The following SASH1 variants were observed in gnomAD, a reference collection of about 807,000 sequenced individuals.
The protein encoded by SASH1 is SAM and SH3 domain-containing protein 1.
A neutral mutation model predicts 125.2 loss-of-function variants in SASH1; 44 were observed. The ratio of observed to expected loss-of-function variants is 0.35; its 90% CI spans 0.28 to 0.45. SASH1 has a LOEUF of 0.45. SASH1 is among the 20% of genes least tolerant of loss of function. The pLI is 1.00. For synonymous variants in SASH1, 639 were observed against 649.1 expected, an observed-to-expected ratio of 0.98 and a Z score of 0.24; for missense variants, 1,426 against 1,614.5, an observed-to-expected ratio of 0.88 and a Z score of 2.00.
At chr6:148,339,004 TAA>T (rs760321688), upstream of SASH1, among the ~76,000 whole-genome samples, 13 of 88,198 alleles carry the variant, frequency 1.5e-4, no homozygotes, top group Admixed American at 1.5e-4. Context: ...ACTCTGTCTT[TAA>T]AAAAAAAAAA....
chr6:148,519,890 C>T lies in SASH1; in HGVS notation c.1206C>T (p.His402=), dbSNP rs1450987357. Residue 402 remains histidine, a synonymous_variant, in exon 10 of 20, where the codon CAC becomes CAT. Transcript: ENST00000367467. The surrounding 1 kb of genome is among the most constrained non-coding windows in gnomAD (Gnocchi z 4.8). The part of the protein sequence containing the change: ...EMKKGLGSLS[H]GRTCSFGGFD... ...AGAAGGGTCTCGGGTCCCTAAGCCA[C>T]GGGGTAAGTACGGATGGTGTTTGCT... 1.3e-6 allele frequency: 2 copies of T among 1,558,976 alleles called. No homozygotes were observed. Among genetic ancestry groups the T allele is most frequent in the South Asian group, 2.3e-5 (2 of 85,654 alleles).
chr6:148,271,505 A>C (rs759219982), upstream of SASH1, among the ~76,000 whole-genome samples: 1 of 152,360 alleles, frequency 6.6e-6, no homozygotes, highest in East Asian at 1.9e-4. Flanking sequence ...ATTAACTTTT[A>C]ATATTTTTTA....
At chr6:148,410,877 C>T (rs751463901) in intron 2 of SASH1, among the ~76,000 whole-genome samples, 2 of 152,024 alleles carry the variant, frequency 1.3e-5, no homozygotes, top group Non-Finnish European at 2.9e-5. Flanking sequence ...ACATAAAAGG[C>T]GGCCGGGCAC....
intron 1 of SASH1, among the ~76,000 whole-genome samples, chr6:148,355,737 G>T (rs1294931635): frequency 6.6e-6 from 1 of 152,078 alleles, no homozygotes; most frequent in African/African-American, 2.4e-5. Flanking sequence ...AAGCTTACCA[G>T]GTCACATCCC....
the SASH1 span, among the ~76,000 whole-genome samples, chr6:148,227,085 C>T: frequency 2.0e-5 from 3 of 152,132 alleles, no homozygotes; most frequent in Non-Finnish European, 4.4e-5. Flanking sequence ...TATAGCTCTA[C>T]GAAGTATGAA....
At chr6:148,307,037 T>G (rs1454791587) in intron 1 of SASH1, among the ~76,000 whole-genome samples, 1 of 71,490 alleles carries the variant, frequency 1.4e-5, no homozygotes, top group Non-Finnish European at 2.8e-5. Context: ...TCTTTCTTTC[T>G]TTCTTTCTTT....
intron 16 of SASH1, 122 bp downstream of exon 16, chr6:148,535,023 A>C (rs924584272): frequency 2.6e-6 from 3 of 1,134,178 alleles, no homozygotes; most frequent in Non-Finnish European, 3.8e-6. Context: ...TTCTGTTACA[A>C]GAGTATGACA....
intron 16 of SASH1, among the ~76,000 whole-genome samples, chr6:148,538,932 A>G (rs1782047029): frequency 6.6e-6 from 1 of 152,220 alleles, no homozygotes; most frequent in East Asian, 1.9e-4. Context: ...TCTGCATAAT[A>G]ATGCAAAGAT....
At chr6:148,207,429 T>C in the SASH1 span, among the ~76,000 whole-genome samples, 1 of 152,246 alleles carries the variant, frequency 6.6e-6, no homozygotes, top group African/African-American at 2.4e-5. Flanking sequence ...TCTTAGTTTC[T>C]AGATCTCCAT....
Position 148,550,438 on chromosome 6 carries a change from G to A in SASH1, c.*1880G>A, listed in dbSNP as rs900948514. On this transcript the variant is annotated 3_prime_UTR_variant, in exon 20 of 20. Transcript: ENST00000367467. ...GCATATTGCTTATGTCTGGATCCAT[G>A]TTTCTGAGGAAAAAGACATTCTCAG... The A allele has an allele frequency of 2.0e-5, 3 of 152,132 alleles. No homozygotes were observed. Among genetic ancestry groups the A allele is most frequent in the Non-Finnish European group, 4.4e-5 (3 of 68,022 alleles). 9.4% of individuals were successfully genotyped at this position (152,132 alleles called of 1,614,324 possible).
the SASH1 span, among the ~76,000 whole-genome samples, chr6:148,253,232 C>G: frequency 6.6e-6 from 1 of 152,212 alleles, no homozygotes; most frequent in South Asian, 2.1e-4. Context: ...ATATATAGAT[C>G]AGTGGAATCA....
chr6:148,383,484 C>A (rs1440209639), intron 1 of SASH1, among the ~76,000 whole-genome samples: 1 of 152,100 alleles, frequency 6.6e-6, no homozygotes, highest in Non-Finnish European at 1.5e-5. Flanking sequence ...TTTCTCTCAA[C>A]TTTGGGGAGT....
chr6:148,431,495 G>C (rs188556695), intron 2 of SASH1, among the ~76,000 whole-genome samples: 2 of 152,250 alleles, frequency 1.3e-5, no homozygotes, highest in East Asian at 3.9e-4. Flanking sequence ...ATCACGCCTG[G>C]CTGACAATGT....
intron 1 of SASH1, among the ~76,000 whole-genome samples, chr6:148,304,432 C>CAAA (rs1407700167): frequency 1.8e-4 from 17 of 95,844 alleles, no homozygotes; most frequent in African/African-American, 7.1e-4. Flanking sequence ...GACTCCGTCT[C>CAAA]AAAAAAAAAA....
At chr6:148,216,584 G>A in the SASH1 span, among the ~76,000 whole-genome samples, 5 of 152,122 alleles carry the variant, frequency 3.3e-5, no homozygotes, top group South Asian at 8.3e-4. Flanking sequence ...TGGCATCTGG[G>A]GACATTTGTG....
intron 1 of SASH1, among the ~76,000 whole-genome samples, chr6:148,379,543 G>A (rs183450683): frequency 6.6e-6 from 1 of 152,070 alleles, no homozygotes; most frequent in Non-Finnish European, 1.5e-5. Flanking sequence ...CCTAGTTACC[G>A]AGTGAATTTT....
intron 2 of SASH1, among the ~76,000 whole-genome samples, chr6:148,408,540 C>T (rs946656322): frequency 1.3e-5 from 2 of 152,178 alleles, no homozygotes; most frequent in African/African-American, 2.4e-5. Context: ...TTCAATCCAA[C>T]TCCATGTATA....
intron 16 of SASH1, among the ~76,000 whole-genome samples, chr6:148,540,068 A>ATTCT (rs1351453983): frequency 6.6e-6 from 1 of 152,128 alleles, no homozygotes; most frequent in East Asian, 1.9e-4. Flanking sequence ...TGGGGCGTTT[A>ATTCT]TTCTTTCTTT....
the SASH1 span, among the ~76,000 whole-genome samples, chr6:148,228,503 A>G: frequency 6.6e-6 from 1 of 152,208 alleles, no homozygotes; most frequent in Non-Finnish European, 1.5e-5. Flanking sequence ...GGCAAATTCA[A>G]TAGAAGATAG....
Sources: allele counts gnomAD v4.1 joint callset (sites outside exome capture counted in the v4.1 genomes callset), GRCh38; gene constraint gnomAD v4.1.1; non-coding constraint Gnocchi (gnomAD v3.1); transcripts MANE v1.5; gene names NCBI Gene and HGNC (gene_info 2026-07-23, HGNC 2026-07-21).